Variants in MAP2K4 observed in about 807,000 individuals in gnomAD.
The protein encoded by MAP2K4 is dual specificity mitogen-activated protein kinase kinase 4.
Under a neutral mutation model 48.5 loss-of-function variants are expected in MAP2K4, and 4 were observed. The observed-to-expected ratio is 0.08, with a 90% CI of 0.04 to 0.19. The LOEUF (loss-of-function observed/expected upper bound fraction) is 0.19. Among genes scored for constraint, MAP2K4 ranks in the 10% least tolerant of loss-of-function variants. The pLI, the probability that MAP2K4 is intolerant of heterozygous loss-of-function variation, is 1.00. For synonymous variants in MAP2K4, 166 were observed against 173.1 expected (o/e 0.96, Z 0.32); for missense variants, 258 against 493.3 (o/e 0.52, Z 4.52).
Position 12,021,102 on chromosome 17 carries a change from C to A in MAP2K4, c.115+101C>A, listed in dbSNP as rs549705805. 3 of 649,080 alleles carry A rather than the reference C, an allele frequency of 4.6e-6. No homozygotes were observed. In the South Asian group the frequency reaches 2.3e-4, roughly 50 times the overall value. 40.2% of individuals were successfully genotyped at this position (649,080 alleles called of 1,614,324 possible). ...CGCCCCCGGACCCGGCTGAGGAAGCCACGGCAGCCGCCGGCTTCTCCCTCT... is the reference window on the plus strand; with the variant it reads ...CGCCCCCGGACCCGGCTGAGGAAGCAACGGCAGCCGCCGGCTTCTCCCTCT... On this transcript the variant is annotated intron_variant, in intron 1 of 10. Transcript: ENST00000353533.
At chr17:12,121,652 CTTTT>C (rs1359460371) in intron 7 of MAP2K4, among the ~76,000 whole-genome samples, 4 of 148,358 alleles carry the variant, frequency 2.7e-5, no homozygotes, top group African/African-American at 9.8e-5. Flanking sequence ...CTTGATCATT[CTTTT>C]TGTTTTCTGT....
intron 9 of MAP2K4, among the ~76,000 whole-genome samples, chr17:12,135,874 G>T (rs1973191035): frequency 6.6e-6 from 1 of 152,168 alleles, no homozygotes; most frequent in South Asian, 2.1e-4. Context: ...AAATGTAAAA[G>T]AGTTGGTGCA....
chr17:12,031,782 A>G (rs756340823), intron 1 of MAP2K4, among the ~76,000 whole-genome samples: 4 of 152,172 alleles, frequency 2.6e-5, no homozygotes, highest in African/African-American at 4.8e-5. Context: ...GAAGTTAGCT[A>G]ATTTACTAGG....
At chr17:12,093,378 C>A (rs1280679860) in intron 3 of MAP2K4, among the ~76,000 whole-genome samples, 2 of 152,154 alleles carry the variant, frequency 1.3e-5, no homozygotes, top group African/African-American at 4.8e-5. Flanking sequence ...GTTGGAACTT[C>A]AGTTAGGCCT....
rs894483816 is a variant in MAP2K4, at chr17:12,066,441, T to C, written c.218+11450T>C. On this transcript the variant is annotated intron_variant, in intron 2 of 10. Transcript: ENST00000353533. Reference sequence around the variant, plus strand: ...CAATAGCAGTTTTTTTCTGCACTTTTTTGTAGCTTGATTTTTTATTCACTT... The same window carrying C: ...CAATAGCAGTTTTTTTCTGCACTTTCTTGTAGCTTGATTTTTTATTCACTT... Among the ~76,000 whole-genome samples the C allele has an allele frequency of 2.6e-5, 4 of 152,220 alleles. No homozygotes were observed. In the East Asian group the frequency reaches 5.8e-4, roughly 22 times the overall value.
chr17:12,032,367 TC>T, intron 1 of MAP2K4: 1 of 725,498 alleles, frequency 1.4e-6, no homozygotes, highest in Non-Finnish European at 2.0e-6. Context: ...TGGGAATGTG[TC>T]CACTATTGTT....
intron 9 of MAP2K4, among the ~76,000 whole-genome samples, chr17:12,133,143 G>T (rs1397828720): frequency 6.6e-6 from 1 of 151,988 alleles, no homozygotes; most frequent in Admixed American, 6.6e-5. Flanking sequence ...GTGTAGTGGC[G>T]CGATCTCAGC....
At chr17:12,069,846 C>A in intron 2 of MAP2K4, 1 of 410,508 alleles carries the variant, frequency 2.4e-6, no homozygotes, top group South Asian at 1.9e-5. Context: ...CAGTGATGTG[C>A]AGGGTATGTC....
At position 12,115,702 on chromosome 17, in the gene MAP2K4, C is replaced by T. The variant is rs1972468843; in HGVS notation, c.813+2342C>T. The stretch of plus-strand genomic sequence containing the variant: ...CAAATGTAGTAGAACAAACTTCAAG[C>T]CAACTCACCAAGCTGGGAAAACCAC... On this transcript the variant is annotated intron_variant, in intron 7 of 10. Coordinates refer to ENST00000353533, the MANE Select transcript of MAP2K4 (RefSeq NM_003010.4). 1.1e-5 allele frequency: 8 copies of T among 760,886 alleles called. No individual in the cohort carries two copies. The Admixed American group carries it at 1.4e-4, about 13-fold the overall frequency. The allele number at this position is 760,886 out of a possible 1,614,324, so 47.1% of individuals were successfully genotyped here.
chr17:12,058,143 G>C (rs1970339692), intron 2 of MAP2K4, among the ~76,000 whole-genome samples: 1 of 151,720 alleles, frequency 6.6e-6, no homozygotes, highest in African/African-American at 2.4e-5. Flanking sequence ...GTTCTCTCCA[G>C]ATGTGTTTGT....
At chr17:12,111,742 A>G (rs1972312373) in intron 6 of MAP2K4, among the ~76,000 whole-genome samples, 1 of 152,176 alleles carries the variant, frequency 6.6e-6, no homozygotes, top group Non-Finnish European at 1.5e-5. Context: ...TTTTGATTAC[A>G]AGTAATAGAA....
At chr17:12,118,721 G>A (rs1972580233) in intron 7 of MAP2K4, among the ~76,000 whole-genome samples, 1 of 152,218 alleles carries the variant, frequency 6.6e-6, no homozygotes, top group South Asian at 2.1e-4. Context: ...CATCATGCTA[G>A]CAGCAGTGAA....
chr17:12,095,367 G>A (rs1971700559), intron 3 of MAP2K4: 4 of 589,416 alleles, frequency 6.8e-6, no homozygotes, highest in Middle Eastern at 3.3e-4. Context: ...TCCTTTAAAG[G>A]ATTTCTAAGT....
chr17:12,085,759 A>G (rs1249278074), intron 3 of MAP2K4, among the ~76,000 whole-genome samples: 1 of 152,116 alleles, frequency 6.6e-6, no homozygotes, highest in Non-Finnish European at 1.5e-5. Context: ...CTCTGCTGAC[A>G]GTATCAGCAG....
At chr17:12,104,347 G>A (rs1422409349) in intron 4 of MAP2K4, among the ~76,000 whole-genome samples, 3 of 152,052 alleles carry the variant, frequency 2.0e-5, no homozygotes, top group Non-Finnish European at 4.4e-5. Flanking sequence ...ACTGGGAAAT[G>A]TAGATTTTAG....
intron 1 of MAP2K4, among the ~76,000 whole-genome samples, chr17:12,045,968 C>T (rs1197794195): frequency 6.6e-6 from 1 of 152,192 alleles, no homozygotes; most frequent in Non-Finnish European, 1.5e-5. Context: ...AGTACCTTTA[C>T]TGACTCTTGC....
chr17:12,113,426 C>G, intron 7 of MAP2K4, 66 bp downstream of exon 7: 1 of 1,566,606 alleles, frequency 6.4e-7, no homozygotes. Context: ...CTCTTTTGTG[C>G]TGGCCATTAG....
chr17:12,054,762 T>A (rs558969949), intron 1 of MAP2K4, 127 bp from the exon 2 acceptor site: 1 of 521,356 alleles, frequency 1.9e-6, no homozygotes, highest in South Asian at 3.5e-5. Flanking sequence ...CCTTTCAAAA[T>A]ATTGTCCTAT....
At chr17:12,110,619 A>G (rs537765105) in intron 6 of MAP2K4, 193 bp downstream of exon 6, 11 of 536,116 alleles carry the variant, frequency 2.1e-5, no homozygotes, top group African/African-American at 3.9e-5. Context: ...ATTTCAGTCT[A>G]TCTTAGTATG....
Sources: allele counts gnomAD v4.1 joint callset (sites outside exome capture counted in the v4.1 genomes callset), GRCh38; gene constraint gnomAD v4.1.1; transcripts MANE v1.5; gene names NCBI Gene and HGNC (gene_info 2026-07-23, HGNC 2026-07-21).